Variants in HS3ST4 observed in about 807,000 individuals in gnomAD.
HS3ST4 encodes the protein heparan sulfate-glucosamine 3-sulfotransferase 4.
A neutral mutation model predicts 29.2 loss-of-function variants in HS3ST4; 17 were observed. The observed-to-expected ratio is 0.58, with a 90% CI of 0.40 to 0.87. The LOEUF is 0.87. Among genes scored for constraint, HS3ST4 ranks in the 40% least tolerant of loss-of-function variants. The pLI, the probability that HS3ST4 is intolerant of heterozygous loss-of-function variation, is 0.00. For missense variants in HS3ST4, 627 were observed against 634.5 expected, an observed-to-expected ratio of 0.99 and a Z score of 0.13; for synonymous variants, 314 against 285.7, an observed-to-expected ratio of 1.10 and a Z score of -1.00.
chr16:25,745,456 G>T (rs1966679417), intron 1 of HS3ST4, among the ~76,000 whole-genome samples: 1 of 152,132 alleles, frequency 6.6e-6, no homozygotes, highest in African/African-American at 2.4e-5. Context: ...ATCCTTGTTA[G>T]ATTTGCCAGA....
intron 1 of HS3ST4, among the ~76,000 whole-genome samples, chr16:26,089,305 G>A (rs970330214): frequency 6.6e-6 from 1 of 152,192 alleles, no homozygotes; most frequent in African/African-American, 2.4e-5. Context: ...GGAGGTGGAA[G>A]GGCAGTTCTC....
chr16:25,754,952 C>T lies in HS3ST4; in HGVS notation c.734+61801C>T, dbSNP rs923626996. 3.3e-5 allele frequency among the ~76,000 whole-genome samples: 5 copies of T among 151,922 alleles called. No homozygotes were observed. In the East Asian group the frequency reaches 7.8e-4, roughly 24 times the overall value. On this transcript the variant is annotated intron_variant, in intron 1 of 1. Coordinates refer to ENST00000331351, the MANE Select transcript of HS3ST4 (RefSeq NM_006040.3). ...ATCCACCCATCTGCCTATCTATCTA[C>T]CCATCCAGGTACCCATTCATCCACC...
At position 25,999,901 on chromosome 16, in the gene HS3ST4, A is replaced by C. The variant is rs1022903779; in HGVS notation, c.735-135711A>C. Among the ~76,000 whole-genome samples, 170 of 134,540 alleles carry C rather than the reference A, an allele frequency of 1.3e-3. 1 individual carries two copies. Among genetic ancestry groups the C allele is most frequent in the African/African-American group, 4.2e-3 (156 of 36,870 alleles). 88.3% of individuals were successfully genotyped at this position (134,540 alleles called of 152,430 possible). A position where few individuals can be genotyped will look rare whatever the true frequency, so the allele number is the denominator to read the frequency against. On this transcript the variant is annotated intron_variant, in intron 1 of 1. Coordinates refer to ENST00000331351, the MANE Select transcript of HS3ST4 (RefSeq NM_006040.3). ...TATATATTATATATATATATTTTAT[A>C]TATATATATATATCTGTTTTTCTGT...
intron 1 of HS3ST4, among the ~76,000 whole-genome samples, chr16:25,721,746 T>C (rs79085203): frequency 0.055 from 8,442 of 152,226 alleles, 328 homozygotes; most frequent in Non-Finnish European, 0.084. Flanking sequence ...AAGAGGAGAA[T>C]GAAAGAGAAG....
At chr16:25,839,647 T>C (rs1283257071) in intron 1 of HS3ST4, among the ~76,000 whole-genome samples, 1 of 152,210 alleles carries the variant, frequency 6.6e-6, no homozygotes, top group Non-Finnish European at 1.5e-5. Context: ...CTAGTGTTTA[T>C]AAAAATGCCA....
chr16:25,734,804 A>T (rs1966595992), intron 1 of HS3ST4, among the ~76,000 whole-genome samples: 1 of 152,140 alleles, frequency 6.6e-6, no homozygotes, highest in African/African-American at 2.4e-5. Context: ...CTAGAAGCCT[A>T]AGGAGTCACC....
chr16:26,135,617 T>C lies in HS3ST4; in HGVS notation c.740T>C (p.Val247Ala). Residue 247 changes from valine (V) to alanine (A), a missense_variant, in exon 2 of 2, where the codon GTG (valine) becomes GCG (alanine). Physicochemically the swap from Val to Ala is moderately conservative, Grantham distance 64 (BLOSUM62 0). Transcript: ENST00000331351. ...CTTTTTCCTCCCTCTCCTAGAAATGTGATGCCCAAGACTTTGGATGGGCAA... is the reference window on the plus strand; with the variant it reads ...CTTTTTCCTCCCTCTCCTAGAAATGCGATGCCCAAGACTTTGGATGGGCAA... ...YEKGLEWYRN[V>A]MPKTLDGQIT... The C allele has an allele frequency of 6.3e-7, 1 of 1,590,144 alleles. No individual in the cohort carries two copies.
intron 1 of HS3ST4, among the ~76,000 whole-genome samples, chr16:25,969,425 G>A (rs78857659): frequency 0.087 from 13,314 of 152,244 alleles, 778 homozygotes; most frequent in Non-Finnish European, 0.12. Context: ...TGCTGGTGGC[G>A]GTCCTAGCAA....
rs191423806 is a variant in HS3ST4, at chr16:25,864,139, C to T, written c.734+170988C>T. On this transcript the variant is annotated intron_variant, in intron 1 of 1. Coordinates refer to ENST00000331351, the MANE Select transcript of HS3ST4 (RefSeq NM_006040.3). ...TGGGCTAGGGCCCACCCTAATGGCT[C>T]ATATCAACCTCTTCTCTCTTTTCTC... Among the ~76,000 whole-genome samples, 31 of 152,316 alleles carry T rather than the reference C, an allele frequency of 2.0e-4. No homozygotes were observed. The East Asian group carries it at 5.8e-3, about 28-fold the overall frequency.
chr16:25,821,292 C>T (rs1446159837), intron 1 of HS3ST4, among the ~76,000 whole-genome samples: 1 of 151,928 alleles, frequency 6.6e-6, no homozygotes, highest in East Asian at 1.9e-4. Flanking sequence ...CTCCTGACCT[C>T]GTGATCCACC....
At chr16:25,817,552 G>A (rs1316469111) in intron 1 of HS3ST4, among the ~76,000 whole-genome samples, 6 of 152,168 alleles carry the variant, frequency 3.9e-5, no homozygotes, top group Non-Finnish European at 7.3e-5. Context: ...CTTGACTCAC[G>A]GCTGTACTAA....
intron 1 of HS3ST4, among the ~76,000 whole-genome samples, chr16:26,104,334 G>A (rs889758124): frequency 2.0e-5 from 3 of 152,162 alleles, no homozygotes; most frequent in African/African-American, 7.2e-5. Context: ...GACTGCTTGT[G>A]GTAGCTTTGA....
intron 1 of HS3ST4, among the ~76,000 whole-genome samples, chr16:26,041,063 C>T (rs1396996895): frequency 6.6e-6 from 1 of 152,176 alleles, no homozygotes; most frequent in African/African-American, 2.4e-5. Flanking sequence ...ACAGGCTAGG[C>T]ATGGTGATTC....
intron 1 of HS3ST4, among the ~76,000 whole-genome samples, chr16:25,794,528 T>C (rs999295876): frequency 6.6e-6 from 1 of 152,118 alleles, no homozygotes; most frequent in Non-Finnish European, 1.5e-5. Flanking sequence ...TGATTATCTT[T>C]CCCACCACTT....
At chr16:25,904,014 T>A (rs1371280561) in intron 1 of HS3ST4, among the ~76,000 whole-genome samples, 1 of 152,146 alleles carries the variant, frequency 6.6e-6, no homozygotes, top group Non-Finnish European at 1.5e-5. Flanking sequence ...AATGAATAAG[T>A]GAGTGAATAC....
chr16:25,873,465 CCCATCCAT>C lies in HS3ST4; in HGVS notation c.734+180316_734+180323del, dbSNP rs1304347742. On this transcript the variant is annotated intron_variant, in intron 1 of 1. Coordinates refer to ENST00000331351, the MANE Select transcript of HS3ST4 (RefSeq NM_006040.3). ...ATCCATCCACCCATCCATTTACCCA[CCCATCCAT>C]CTATCTCTCTATCTATCTATCTATC... 9.7e-4 allele frequency among the ~76,000 whole-genome samples: 131 copies of C among 135,352 alleles called. 1 individual carries two copies. Among genetic ancestry groups the C allele is most frequent in the African/African-American group, 3.5e-3 (122 of 34,738 alleles). 88.8% of individuals were successfully genotyped at this position (135,352 alleles called of 152,430 possible).
chr16:26,024,676 G>A (rs1024198939), intron 1 of HS3ST4, among the ~76,000 whole-genome samples: 5 of 152,190 alleles, frequency 3.3e-5, no homozygotes, highest in African/African-American at 1.2e-4. Flanking sequence ...AGACTGCAGT[G>A]AGCCAAGATC....
At chr16:25,798,031 G>A (rs1030568201) in intron 1 of HS3ST4, among the ~76,000 whole-genome samples, 1 of 152,184 alleles carries the variant, frequency 6.6e-6, no homozygotes, top group Non-Finnish European at 1.5e-5. Flanking sequence ...TGAGTGTGGG[G>A]TAGAAGGAGG....
intron 1 of HS3ST4, among the ~76,000 whole-genome samples, chr16:25,828,165 CCTTT>C (rs1967239071): frequency 7.5e-6 from 1 of 133,842 alleles, no homozygotes; most frequent in Non-Finnish European, 1.6e-5. Flanking sequence ...TCCTTTCCTT[CCTTT>C]CTCTCTCTCT....
Sources: gnomAD v4.1 joint callset for allele counts (sites outside exome capture counted in the v4.1 genomes callset) on GRCh38, gnomAD v4.1.1 for gene constraint, MANE v1.5 for transcripts, NCBI Gene and HGNC (gene_info 2026-07-23, HGNC 2026-07-21) for gene names.